The following DENND4C variants were observed in gnomAD, a reference collection of about 807,000 sequenced individuals.
The protein encoded by DENND4C is DENN domain containing 4C.
In DENND4C, 108 loss-of-function variants were observed where a neutral mutation model predicts 203.0. The ratio of observed to expected loss-of-function variants is 0.53; its 90% CI spans 0.46 to 0.62. The LOEUF (loss-of-function observed/expected upper bound fraction) is 0.62, where lower values mean the gene tolerates loss of function less well. Among genes scored for constraint, DENND4C ranks in the 20% least tolerant of loss-of-function variants. The pLI, the probability that DENND4C is intolerant of heterozygous loss-of-function variation, is 0.00. For synonymous variants in DENND4C, 871 were observed against 792.4 expected, an observed-to-expected ratio of 1.10 and a Z score of -1.67; for missense variants, 2,481 against 2,301.2, an observed-to-expected ratio of 1.08 and a Z score of -1.60.
rs183742455 is a variant in DENND4C at position 19,342,402 on chromosome 9, A to G, written c.3005-231A>G. On this transcript the variant is annotated intron_variant, in intron 21 of 32. Transcript: ENST00000434457. The stretch of plus-strand genomic sequence containing the variant: ...AGAGACTTAATTGATTCACTAAAGA[A>G]CATTTATGTTAGGATTATTGAATGC... Among the ~76,000 whole-genome samples the G allele has an allele frequency of 3.7e-3, 561 of 152,324 alleles. 5 individuals are homozygous for G. The highest frequency in any genetic ancestry group is 0.013 in the African/African-American group (534 of 41,564).
At position 19,275,775 on chromosome 9, in the gene DENND4C, A is replaced by T. The variant is rs1033628558; in HGVS notation, c.-17-383A>T. 1.4e-4 allele frequency among the ~76,000 whole-genome samples: 21 copies of T among 151,896 alleles called. 2 individuals carry two copies. The highest frequency in any genetic ancestry group is 4.6e-4 in the Admixed American group (7 of 15,228). On this transcript the variant is annotated intron_variant, in intron 1 of 32. Transcript: ENST00000434457. ...TGTGAGCCACCATGCCCAGCCTAATATTTATATTTTTAGTAGAGACAGGGT... is the reference window on the plus strand; with the variant it reads ...TGTGAGCCACCATGCCCAGCCTAATTTTTATATTTTTAGTAGAGACAGGGT...
At chr9:19,326,289 A>C (rs1190134785) in intron 15 of DENND4C, 95 bp downstream of exon 15, 2 of 1,309,234 alleles carry the variant, frequency 1.5e-6, no homozygotes, top group Non-Finnish European at 2.0e-6. Flanking sequence ...TGTGAAACTC[A>C]TTTTCAGTAT....
chr9:19,261,612 C>G (rs541713706), intron 1 of DENND4C, among the ~76,000 whole-genome samples: 7 of 151,922 alleles, frequency 4.6e-5, no homozygotes, highest in African/African-American at 1.7e-4. Context: ...AAGAGATCTT[C>G]TCGCCTCAGC....
intron 1 of DENND4C, among the ~76,000 whole-genome samples, chr9:19,267,213 G>C (rs1455099242): frequency 1.3e-5 from 2 of 152,158 alleles, no homozygotes; most frequent in East Asian, 3.9e-4. Context: ...GGATGTTGAA[G>C]TTTCCAGCAA....
intron 9 of DENND4C, among the ~76,000 whole-genome samples, chr9:19,304,783 T>C (rs1839332567): frequency 6.7e-6 from 1 of 149,012 alleles, no homozygotes; most frequent in Non-Finnish European, 1.5e-5. Context: ...TCTCCTGACC[T>C]TGTGATCCAC....
At chr9:19,344,925 G>T (rs1181111432) in intron 22 of DENND4C, among the ~76,000 whole-genome samples, 1 of 152,190 alleles carries the variant, frequency 6.6e-6, no homozygotes, top group African/African-American at 2.4e-5. Flanking sequence ...CCAGGTTGCA[G>T]AGTGCTAACT....
chr9:19,321,330 G>C (rs1229841276), intron 12 of DENND4C, among the ~76,000 whole-genome samples: 1 of 152,114 alleles, frequency 6.6e-6, no homozygotes. Flanking sequence ...AGTAGAACCT[G>C]GTGATTGAAT....
Position 19,266,460 on chromosome 9 carries a change from G to T in DENND4C, c.-17-9698G>T, listed in dbSNP as rs888213330. 1.6e-4 allele frequency among the ~76,000 whole-genome samples: 24 copies of T among 152,218 alleles called. 2 individuals are homozygous for T. The highest frequency in any genetic ancestry group is 4.6e-4 in the Admixed American group (7 of 15,272). ...TTTGCTATGGAGAAGCTCTTTAGTTGAATTAGATCCCATTTGTCAATTTTG... is the reference window on the plus strand; with the variant it reads ...TTTGCTATGGAGAAGCTCTTTAGTTTAATTAGATCCCATTTGTCAATTTTG... On this transcript the variant is annotated intron_variant, in intron 1 of 32. Coordinates refer to ENST00000434457, the MANE Select transcript of DENND4C (RefSeq NM_001330640.2).
At chr9:19,345,419 CA>C (rs1822652226) in intron 22 of DENND4C, among the ~76,000 whole-genome samples, 1 of 152,204 alleles carries the variant, frequency 6.6e-6, no homozygotes. Context: ...TTTAACCACT[CA>C]GATTTTATCA....
chr9:19,275,622 C>A (rs906060831), intron 1 of DENND4C, among the ~76,000 whole-genome samples: 5 of 152,072 alleles, frequency 3.3e-5, no homozygotes, highest in African/African-American at 9.7e-5. Context: ...AGGCGCCCCC[C>A]ACCAGGCTCA....
Position 19,346,410 on chromosome 9 carries a change from G to T in DENND4C, c.3641G>T (p.Ser1214Ile). The part of the protein sequence containing the change: ...TYESLLSDSN[S>I]NQSRDLKTVS... ...GAGAGTCTACTAAGTGATAGTAACA[G>T]TAATCAGTCCAGAGACTTGAAAACA... Residue 1214 changes from serine (S) to isoleucine (I), a missense_variant, in exon 23 of 33, where the codon AGT becomes ATT. This residue lies in a region of DENND4C where 2,289 missense variants were observed against 2,113.3 expected (regional missense o/e 1.08). Transcript: ENST00000434457. The T allele has an allele frequency of 6.2e-7, 1 of 1,614,162 alleles. No individual in the cohort carries two copies. Among genetic ancestry groups the T allele is most frequent in the Non-Finnish European group, 8.5e-7 (1 of 1,180,028 alleles).
chr9:19,296,901 A>C (rs576157026), intron 6 of DENND4C, among the ~76,000 whole-genome samples: 1 of 152,324 alleles, frequency 6.6e-6, no homozygotes, highest in African/African-American at 2.4e-5. Context: ...GTGATGTAGA[A>C]ATTAGTCGGA....
At chr9:19,349,929 G>T (rs1276681865) in intron 23 of DENND4C, among the ~76,000 whole-genome samples, 1 of 152,110 alleles carries the variant, frequency 6.6e-6, no homozygotes, top group Non-Finnish European at 1.5e-5. Context: ...TGTATATCAA[G>T]ATTTTGATTA....
At chr9:19,253,431 T>C (rs564710892) in intron 1 of DENND4C, among the ~76,000 whole-genome samples, 1 of 152,350 alleles carries the variant, frequency 6.6e-6, no homozygotes, top group African/African-American at 2.4e-5. Flanking sequence ...CTAACTGCCT[T>C]GTGTTCTGAA....
intron 10 of DENND4C, among the ~76,000 whole-genome samples, chr9:19,313,087 C>G (rs1378771607): frequency 6.6e-6 from 1 of 151,930 alleles, no homozygotes; most frequent in South Asian, 2.1e-4. Flanking sequence ...ATGAATTATT[C>G]TGTTTTTTTC....
intron 12 of DENND4C, among the ~76,000 whole-genome samples, chr9:19,321,048 T>C (rs1474645691): frequency 6.6e-6 from 1 of 152,242 alleles, no homozygotes; most frequent in Non-Finnish European, 1.5e-5. Flanking sequence ...GGATTAGTGC[T>C]GGTTTCAGTT....
intron 1 of DENND4C, among the ~76,000 whole-genome samples, chr9:19,245,341 C>T (rs970635192): frequency 2.0e-5 from 3 of 151,794 alleles, no homozygotes; most frequent in East Asian, 3.9e-4. Flanking sequence ...GTGGGAGGCA[C>T]CTGTAGTCCC....
In DENND4C at chr9:19,373,574, G is replaced by A. The variant is rs1829189155; in HGVS notation, c.*1401G>A. The stretch of plus-strand genomic sequence containing the variant: ...TGTGTTTTTAGGTTGAATCAATTAA[G>A]TCTTAAAACTGTAAATTTATTAAGC... On this transcript the variant is annotated 3_prime_UTR_variant, in exon 33 of 33. Coordinates refer to ENST00000434457, the MANE Select transcript of DENND4C (RefSeq NM_001330640.2). 6.6e-6 allele frequency: 1 copy of A among 152,550 alleles called. No individual in the cohort carries two copies. The highest frequency in any genetic ancestry group is 2.4e-5 in the African/African-American group (1 of 41,414). 9.4% of individuals were successfully genotyped at this position (152,550 alleles called of 1,614,324 possible).
At chr9:19,307,093 G>C (rs1839833566) in intron 10 of DENND4C, among the ~76,000 whole-genome samples, 1 of 151,894 alleles carries the variant, frequency 6.6e-6, no homozygotes, top group African/African-American at 2.4e-5. Flanking sequence ...ATGCTCAATT[G>C]TGTTTAAAGA....
Sources: gnomAD v4.1 joint callset for allele counts (sites outside exome capture counted in the v4.1 genomes callset) on GRCh38, gnomAD v4.1.1 for gene constraint, gnomAD v4.1.1 regional missense constraint, MANE v1.5 for transcripts, NCBI Gene and HGNC (gene_info 2026-07-23, HGNC 2026-07-21) for gene names.